The following RANBP2 variants were observed in gnomAD, a reference collection of about 807,000 sequenced individuals.
RANBP2 encodes E3 SUMO-protein ligase RanBP2.
RANBP2 carries 57 observed loss-of-function variants against 303.6 expected under a neutral mutation model. The observed-to-expected ratio is 0.19, with a 90% CI of 0.15 to 0.23. RANBP2 has a LOEUF of 0.23. Ranked by LOEUF, RANBP2 falls within the 10% of genes least tolerant of loss-of-function variation. The probability of loss-of-function intolerance (pLI) is 1.00; values close to 1 mark genes in which losing one functional copy is unlikely to be tolerated. For missense variants in RANBP2, 3,138 were observed against 3,780.8 expected (o/e 0.83, Z 4.46); for synonymous variants, 1,167 against 1,301.5 (o/e 0.90, Z 2.23).
chr2:109,009,702 C>CTT, the RANBP2 span, among the ~76,000 whole-genome samples: 2,256 of 122,878 alleles, frequency 0.018, 135 homozygotes, highest in African/African-American at 0.057. Context: ...ACATTTTTAC[C>CTT]TTTTTTTTGT....
chr2:109,507,271 G>A, the RANBP2 span, among the ~76,000 whole-genome samples: 16 of 152,162 alleles, frequency 1.1e-4, no homozygotes, highest in Admixed American at 2.0e-4. Flanking sequence ...ACCCCTGGCC[G>A]GGCCTCACAG....
At chr2:108,756,163 T>C (rs1435815585) in intron 17 of RANBP2, among the ~76,000 whole-genome samples, 1 of 152,248 alleles carries the variant, frequency 6.6e-6, no homozygotes, top group Non-Finnish European at 1.5e-5. Flanking sequence ...ATTGAACTGC[T>C]ACCATGTACT....
chr2:109,186,654 G>A, the RANBP2 span, among the ~76,000 whole-genome samples: 6 of 152,068 alleles, frequency 3.9e-5, no homozygotes, highest in Non-Finnish European at 8.8e-5. Context: ...GAGCCCCCTA[G>A]GAAGACCCTG....
the RANBP2 span, chr2:109,432,353 G>C: frequency 2.0e-6 from 2 of 1,001,832 alleles, no homozygotes; most frequent in South Asian, 3.3e-5. Flanking sequence ...GGGTGTGTGA[G>C]GCCTCTGTAA....
the RANBP2 span, among the ~76,000 whole-genome samples, chr2:109,640,357 C>T: frequency 6.6e-6 from 1 of 152,148 alleles, no homozygotes; most frequent in Non-Finnish European, 1.5e-5. Context: ...GAGGCTGAGA[C>T]AGGAGAATCG....
chr2:109,632,861 C>T, the RANBP2 span, among the ~76,000 whole-genome samples: 1 of 151,808 alleles, frequency 6.6e-6, no homozygotes, highest in Non-Finnish European at 1.5e-5. Flanking sequence ...AAAAACTTGA[C>T]GTCCAAGATG....
the RANBP2 span, among the ~76,000 whole-genome samples, chr2:109,607,895 C>T: frequency 3.3e-5 from 5 of 151,962 alleles, no homozygotes; most frequent in East Asian, 1.9e-4. Flanking sequence ...TTTTATAAGA[C>T]GACAAAAGGA....
At chr2:108,931,061 C>G in the RANBP2 span, 1 of 1,597,470 alleles carries the variant, frequency 6.3e-7, no homozygotes, top group Non-Finnish European at 8.6e-7. Context: ...TAGCTGGGCA[C>G]TGGCGGTAGC....
chr2:108,911,113 A>T, the RANBP2 span: 4 of 1,613,210 alleles, frequency 2.5e-6, no homozygotes, highest in South Asian at 4.4e-5. Context: ...AGAGCTCAGG[A>T]TCCCTGCTGG....
At chr2:109,347,633 AG>A in the RANBP2 span, 1 of 1,595,528 alleles carries the variant, frequency 6.3e-7, no homozygotes. Context: ...GGCATTGGGA[AG>A]GGGCATGCCC....
chr2:109,009,548 C>T, the RANBP2 span, among the ~76,000 whole-genome samples: 1 of 152,010 alleles, frequency 6.6e-6, no homozygotes, highest in South Asian at 2.1e-4. Context: ...TTTTTTGAGA[C>T]AGGCTCTGTC....
the RANBP2 span, among the ~76,000 whole-genome samples, chr2:109,340,086 G>A: frequency 1.8e-4 from 27 of 152,302 alleles, no homozygotes; most frequent in African/African-American, 5.5e-4. Flanking sequence ...GTTATCGGGA[G>A]TGTCTGGTGG....
At chr2:109,735,067 A>G in the RANBP2 span, among the ~76,000 whole-genome samples, 56 of 152,300 alleles carry the variant, frequency 3.7e-4, no homozygotes, top group African/African-American at 1.3e-3. Context: ...ATTGTTAACT[A>G]TAGTCACACT....
chr2:109,380,600 G>A, the RANBP2 span, among the ~76,000 whole-genome samples: 1 of 152,192 alleles, frequency 6.6e-6, no homozygotes, highest in Non-Finnish European at 1.5e-5. Context: ...GCCTCCCTGG[G>A]AGCTTCTGTG....
In RANBP2 at chr2:108,748,937, T is replaced by C. The variant is rs1675615862; in HGVS notation, c.1081T>C (p.Leu361=). ...TTTTTCAGGGCACATGTTGCTAAAC[T>C]TAAGTCGTGGCAAGCAAGATTTTTT... ...LSQSGHMLLN[L]SRGKQDFLKE... The change falls in exon 9 of 29, where the codon TTA becomes CTA. Residue 361 remains leucine, a synonymous_variant. Coordinates refer to ENST00000283195, the MANE Select transcript of RANBP2 (RefSeq NM_006267.5). 1.2e-6 allele frequency: 2 copies of C among 1,611,896 alleles called. No individual in the cohort carries two copies. The highest frequency in any genetic ancestry group is 1.7e-6 in the Non-Finnish European group (2 of 1,179,872).
intron 1 of RANBP2, among the ~76,000 whole-genome samples, chr2:108,721,341 C>T (rs537867332): frequency 1.3e-5 from 2 of 152,288 alleles, no homozygotes; most frequent in Non-Finnish European, 2.9e-5. Context: ...ATTGTAATTT[C>T]AAACTGCTAG....
chr2:109,354,240 C>T, the RANBP2 span, among the ~76,000 whole-genome samples: 1 of 152,252 alleles, frequency 6.6e-6, no homozygotes, highest in Non-Finnish European at 1.5e-5. Flanking sequence ...CCAACGGATA[C>T]TGCCTGTGTC....
At chr2:109,606,672 C>CTTTTTTTTTTTTTTTT in the RANBP2 span, among the ~76,000 whole-genome samples, 1 of 71,896 alleles carries the variant, frequency 1.4e-5, no homozygotes, top group Non-Finnish European at 2.4e-5. Context: ...AAATTTTAAG[C>CTTTTTTTTTTTTTTTT]TTTTTTTTTT....
At chr2:109,246,416 G>A in the RANBP2 span, among the ~76,000 whole-genome samples, 2 of 152,112 alleles carry the variant, frequency 1.3e-5, no homozygotes, top group South Asian at 4.1e-4. Context: ...ATTCATGAGG[G>A]CTCCACCCTC....
Sources: gnomAD v4.1 joint callset for allele counts (sites outside exome capture counted in the v4.1 genomes callset) on GRCh38, gnomAD v4.1.1 for gene constraint, MANE v1.5 for transcripts, NCBI Gene and HGNC (gene_info 2026-07-23, HGNC 2026-07-21) for gene names.